The following SLC25A26 variants were observed in gnomAD, a reference collection of about 807,000 sequenced individuals.
SLC25A26 encodes solute carrier family 25 member 26.
A neutral mutation model predicts 37.8 loss-of-function variants in SLC25A26; 36 were observed. The ratio of observed to expected loss-of-function variants is 0.95; its 90% CI spans 0.73 to 1.26. The LOEUF is 1.26. Among genes scored for constraint, SLC25A26 ranks in the 50% most tolerant of loss-of-function variants. The pLI is 0.00. For synonymous variants in SLC25A26, 129 were observed against 122.5 expected (o/e 1.05, Z -0.35); for missense variants, 390 against 331.1 (o/e 1.18, Z -1.38).
rs2106688862 is a variant in SLC25A26 at position 66,150,364 on chromosome 3, G to T, written c.-354+16380G>T. ...AATACAAAAATTAGCTGGGCATGCT[G>T]GTGGGCACCTGTAATCCCAGCTACT... On this transcript the variant is annotated intron_variant, in intron 1 of 10. Coordinates refer to the SLC25A26 transcript ENST00000676754. Among the ~76,000 whole-genome samples, 3 of 150,582 alleles carry T rather than the reference G, an allele frequency of 2.0e-5. No individual in the cohort carries two copies. In the Admixed American group the frequency reaches 2.0e-4, roughly 10 times the overall value.
intron 5 of SLC25A26, among the ~76,000 whole-genome samples, chr3:66,275,025 G>A (rs1457231961): frequency 3.3e-5 from 5 of 152,012 alleles, no homozygotes; most frequent in African/African-American, 1.2e-4. Flanking sequence ...TGATAGACTG[G>A]ATTAAGAAAA....
intron 1 of SLC25A26, among the ~76,000 whole-genome samples, chr3:66,179,609 G>C (rs1291242223): frequency 1.3e-5 from 2 of 152,140 alleles, no homozygotes; most frequent in East Asian, 3.8e-4. Context: ...AATTTTTACT[G>C]GGAATAAATC....
chr3:66,259,707 C>G (rs985501141), intron 3 of SLC25A26, among the ~76,000 whole-genome samples: 1 of 152,146 alleles, frequency 6.6e-6, no homozygotes, highest in East Asian at 1.9e-4. Flanking sequence ...CCTTCTGGCT[C>G]GTGGTCCCCC....
chr3:66,346,482 G>GAAAGAGT, intron 6 of SLC25A26, 74 bp downstream of exon 6: 1 of 781,128 alleles, frequency 1.3e-6, no homozygotes, highest in Non-Finnish European at 2.0e-6. Flanking sequence ...TGGAAGAGTA[G>GAAAGAGT]AACATAATGT....
At chr3:66,244,946 C>T (rs1458367722) in intron 3 of SLC25A26, among the ~76,000 whole-genome samples, 1 of 152,152 alleles carries the variant, frequency 6.6e-6, no homozygotes, top group African/African-American at 2.4e-5. Context: ...CGCTGCACTC[C>T]AGCCTAGGCG....
At chr3:66,238,197 C>G (rs1397055694) in intron 2 of SLC25A26, among the ~76,000 whole-genome samples, 10 of 152,092 alleles carry the variant, frequency 6.6e-5, no homozygotes, top group Admixed American at 5.2e-4. Context: ...AGTTGACCCT[C>G]GAACAATTTG....
intron 7 of SLC25A26, among the ~76,000 whole-genome samples, chr3:66,366,233 C>T (rs2076822148): frequency 6.6e-6 from 1 of 152,178 alleles, no homozygotes; most frequent in South Asian, 2.1e-4. Context: ...ATAATTATTT[C>T]CTGTCTCATA....
At chr3:66,373,240 C>G (rs1700450841) in intron 9 of SLC25A26, among the ~76,000 whole-genome samples, 1 of 152,154 alleles carries the variant, frequency 6.6e-6, no homozygotes, top group African/African-American at 2.4e-5. Flanking sequence ...ATTGTAAGTG[C>G]TTACGTTTGC....
chr3:66,253,769 A>T (rs1391866083), intron 3 of SLC25A26, among the ~76,000 whole-genome samples: 1 of 152,292 alleles, frequency 6.6e-6, no homozygotes, highest in East Asian at 1.9e-4. Flanking sequence ...TACAGTCACC[A>T]TTGCCACCTC....
chr3:66,253,384 AGAGT>A (rs1419807980), intron 3 of SLC25A26, among the ~76,000 whole-genome samples: 2 of 151,038 alleles, frequency 1.3e-5, no homozygotes, highest in African/African-American at 4.9e-5. Flanking sequence ...CCTGGGTGAC[AGAGT>A]GAGACTCCAT....
chr3:66,364,328 A>T (rs1222080828), intron 7 of SLC25A26, among the ~76,000 whole-genome samples: 2 of 152,184 alleles, frequency 1.3e-5, no homozygotes, highest in Non-Finnish European at 2.9e-5. Flanking sequence ...TTCCTATCAG[A>T]CATCCTCTAT....
intron 1 of SLC25A26, among the ~76,000 whole-genome samples, chr3:66,210,100 C>T (rs1292969349): frequency 3.3e-5 from 5 of 150,190 alleles, no homozygotes; most frequent in Non-Finnish European, 5.9e-5. Context: ...TGTATGGCCT[C>T]CTTCACTTCC....
At chr3:66,182,138 A>G (rs755194878) in intron 1 of SLC25A26, among the ~76,000 whole-genome samples, 15 of 152,210 alleles carry the variant, frequency 9.9e-5, no homozygotes, top group Non-Finnish European at 1.9e-4. Context: ...TCCGTGGTGG[A>G]GCAGATAATC....
chr3:66,175,530 G>A (rs1057100044), intron 1 of SLC25A26, among the ~76,000 whole-genome samples: 8 of 152,078 alleles, frequency 5.3e-5, no homozygotes, highest in Non-Finnish European at 8.8e-5. Context: ...CAGCTATAAA[G>A]GTTTATTATT....
chr3:66,167,553 G>A (rs1343271046), intron 1 of SLC25A26, among the ~76,000 whole-genome samples: 1 of 152,082 alleles, frequency 6.6e-6, no homozygotes, highest in African/African-American at 2.4e-5. Flanking sequence ...CAACCACAAA[G>A]ACTAATATGA....
In SLC25A26 at chr3:66,305,356, G is replaced by A. The variant is rs569516144; in HGVS notation, c.454-41008G>A. Among the ~76,000 whole-genome samples, 21 of 152,280 alleles carry A rather than the reference G, an allele frequency of 1.4e-4. No individual in the cohort carries two copies. In the South Asian group the frequency reaches 4.1e-3, roughly 30 times the overall value. On this transcript the variant is annotated intron_variant, in intron 5 of 9. Coordinates refer to ENST00000354883, the MANE Select transcript of SLC25A26 (RefSeq NM_001379210.1). ...AGAGTAACATTATGTAATTTAATCAGTGTTATAAAAAATGGAATTCCTGGT... is the reference window on the plus strand; with the variant it reads ...AGAGTAACATTATGTAATTTAATCAATGTTATAAAAAATGGAATTCCTGGT...
intron 5 of SLC25A26, among the ~76,000 whole-genome samples, chr3:66,330,272 GT>G (rs2075939958): frequency 6.6e-6 from 1 of 152,090 alleles, no homozygotes; most frequent in Non-Finnish European, 1.5e-5. Context: ...TAGAAGTTGA[GT>G]TTGGACATGT....
chr3:66,341,994 A>C (rs1439765846), intron 5 of SLC25A26, among the ~76,000 whole-genome samples: 5 of 151,864 alleles, frequency 3.3e-5, no homozygotes, highest in African/African-American at 1.2e-4. Context: ...GTCCTTGGTT[A>C]CCCCTGGGGT....
At chr3:66,220,269 T>C (rs566109829), upstream of SLC25A26, among the ~76,000 whole-genome samples, 1 of 152,098 alleles carries the variant, frequency 6.6e-6, no homozygotes, top group Non-Finnish European at 1.5e-5. Flanking sequence ...AATGAAAAAA[T>C]GTCTGTCAAT....
Sources: allele counts gnomAD v4.1 joint callset (sites outside exome capture counted in the v4.1 genomes callset), GRCh38; gene constraint gnomAD v4.1.1; transcripts MANE v1.5; gene names NCBI Gene and HGNC (gene_info 2026-07-23, HGNC 2026-07-21).